Variants in DPYD observed in about 807,000 individuals in gnomAD.
DPYD encodes the protein dihydropyrimidine dehydrogenase [NADP(+)].
In DPYD, 109 loss-of-function variants were observed where a neutral mutation model predicts 116.2. That is an observed-to-expected ratio of 0.94 (90% CI 0.80 to 1.10). The LOEUF (loss-of-function observed/expected upper bound fraction) is 1.10, where lower values mean the gene tolerates loss of function less well. DPYD is among the 50% of genes least tolerant of loss of function. The probability of loss-of-function intolerance (pLI) is 0.00; values close to 1 mark genes in which losing one functional copy is unlikely to be tolerated. For missense variants in DPYD, 1,302 were observed against 1,254.5 expected (o/e 1.04, Z -0.57); for synonymous variants, 440 against 432.0 (o/e 1.02, Z -0.23).
At chr1:97,137,124 C>T (rs1222621961) in intron 20 of DPYD, among the ~76,000 whole-genome samples, 4 of 152,120 alleles carry the variant, frequency 2.6e-5, no homozygotes, top group African/African-American at 9.7e-5. Flanking sequence ...GGTACTGTGC[C>T]GTGCTTGTGT....
intron 3 of DPYD, among the ~76,000 whole-genome samples, chr1:97,770,638 G>C (rs1042234336): frequency 1.3e-5 from 2 of 152,024 alleles, no homozygotes; most frequent in Non-Finnish European, 2.9e-5. Flanking sequence ...AGTGTTTTTT[G>C]ATATAGATTC....
intron 6 of DPYD, among the ~76,000 whole-genome samples, chr1:97,697,419 G>A (rs1012250580): frequency 6.6e-6 from 1 of 152,034 alleles, no homozygotes; most frequent in Non-Finnish European, 1.5e-5. Context: ...CAAGATACAA[G>A]AGAATGAGAG....
chr1:97,778,355 GT>G (rs932304402), intron 3 of DPYD, among the ~76,000 whole-genome samples: 13 of 151,806 alleles, frequency 8.6e-5, no homozygotes, highest in Non-Finnish European at 1.5e-5. Context: ...ACAGTCTTGT[GT>G]GGTAAACATT....
chr1:97,610,570 T>C (rs1481886011), intron 8 of DPYD, among the ~76,000 whole-genome samples: 2 of 152,054 alleles, frequency 1.3e-5, no homozygotes, highest in African/African-American at 4.8e-5. Flanking sequence ...CCAGGTCCTC[T>C]ATTGACAGAA....
intron 20 of DPYD, among the ~76,000 whole-genome samples, chr1:97,131,638 T>C (rs1007729737): frequency 6.6e-5 from 10 of 152,244 alleles, no homozygotes; most frequent in Non-Finnish European, 1.3e-4. Context: ...TTATAGGATC[T>C]GAAGAAACCT....
intron 8 of DPYD, among the ~76,000 whole-genome samples, chr1:97,650,803 T>A (rs1012209033): frequency 1.2e-4 from 18 of 152,022 alleles, no homozygotes; most frequent in Admixed American, 9.2e-4. Flanking sequence ...TTGAAAAAAA[T>A]TTAAATCTTA....
Position 97,082,385 on chromosome 1 carries a change from T to C in DPYD, c.2852A>G (p.Glu951Gly). 6.2e-7 allele frequency: 1 copy of C among 1,613,680 alleles called. No homozygotes were observed. The highest frequency in any genetic ancestry group is 1.3e-5 in the African/African-American group (1 of 75,038). ...VEQVVAMIDE[E>G]MCINCGKCYM... is the part of the protein sequence containing the mutation. ...GCATTTACCACAGTTGATACACATT[T>C]CTTCATCAATCATAGCCACAACTTG... The change falls in exon 22 of 23, where the codon GAA becomes GGA. Residue 951 changes from glutamate to glycine, a missense_variant. Glu to Gly is a moderately conservative substitution (Grantham distance 98, BLOSUM62 -2). Coordinates refer to ENST00000370192, the MANE Select transcript of DPYD (RefSeq NM_000110.4).
At chr1:97,330,235 AAAAATTG>A (rs1668918199) in intron 16 of DPYD, among the ~76,000 whole-genome samples, 2 of 152,180 alleles carry the variant, frequency 1.3e-5, no homozygotes, top group Admixed American at 1.3e-4. Flanking sequence ...AGCAGCCCTA[AAAAATTG>A]AAAATTGAAA....
intron 19 of DPYD, among the ~76,000 whole-genome samples, chr1:97,202,104 T>C (rs1659249085): frequency 6.6e-6 from 1 of 152,000 alleles, no homozygotes; most frequent in Admixed American, 6.6e-5. Context: ...CCACAGCAAA[T>C]AGGATTGGGA....
chr1:97,387,770 G>A (rs758619853), intron 14 of DPYD, among the ~76,000 whole-genome samples: 4 of 152,022 alleles, frequency 2.6e-5, no homozygotes, highest in African/African-American at 9.7e-5. Context: ...GTATGTTCAA[G>A]GGGAAAAAAG....
chr1:97,112,780 C>T (rs893205269), intron 20 of DPYD, among the ~76,000 whole-genome samples: 4 of 152,034 alleles, frequency 2.6e-5, no homozygotes, highest in Admixed American at 2.0e-4. Context: ...ACTTTGTCTC[C>T]AGTTTGTTGG....
rs2102182411 is a variant in DPYD, at chr1:97,573,783, C to T, written c.1316G>A (p.Gly439Asp). 6.2e-7 allele frequency: 1 copy of T among 1,613,598 alleles called. No homozygotes were observed. The highest frequency in any genetic ancestry group is 8.5e-7 in the Non-Finnish European group (1 of 1,179,586). ...LKADVVISAFGSVLSDPKVKE... is the reference protein window; with the variant it reads ...LKADVVISAFDSVLSDPKVKE... ...ACCTTTAGGATCACTCAGAACTGAACCAAAGGCACTGATGACCACATCGGC... is the reference window on the plus strand; with the variant it reads ...ACCTTTAGGATCACTCAGAACTGAATCAAAGGCACTGATGACCACATCGGC... The change falls in exon 11 of 23, where the codon GGT (glycine) becomes GAT (aspartate). Residue 439 changes from glycine to aspartate, a missense_variant. Transcript: ENST00000370192.
At position 97,205,185 on chromosome 1, in the gene DPYD, TAA is replaced by T. The variant is rs899815495; in HGVS notation, c.2443-11939_2443-11938del. On this transcript the variant is annotated intron_variant, in intron 19 of 22. Coordinates refer to ENST00000370192, the MANE Select transcript of DPYD (RefSeq NM_000110.4). The stretch of plus-strand genomic sequence containing the variant: ...TATTATTAAAATTCATAGTTTATAT[TAA>T]GATTCACTCTTTGCATTGTACCTTT... Among the ~76,000 whole-genome samples, 119 of 152,228 alleles carry T rather than the reference TAA, an allele frequency of 7.8e-4. 2 individuals carry two copies. The highest frequency in any genetic ancestry group is 2.8e-3 in the African/African-American group (117 of 41,554).
At chr1:97,750,513 C>T (rs1443374364) in intron 3 of DPYD, among the ~76,000 whole-genome samples, 2 of 152,080 alleles carry the variant, frequency 1.3e-5, no homozygotes, top group East Asian at 3.9e-4. Context: ...GTAAGTATAA[C>T]TTACGTTATT....
intron 8 of DPYD, among the ~76,000 whole-genome samples, chr1:97,647,068 T>G (rs1457832296): frequency 6.6e-6 from 1 of 152,102 alleles, no homozygotes; most frequent in East Asian, 1.9e-4. Flanking sequence ...CACCTGTAGT[T>G]ATTGCCTGAT....
At chr1:97,234,020 A>C (rs917193324) in intron 19 of DPYD, among the ~76,000 whole-genome samples, 2 of 152,192 alleles carry the variant, frequency 1.3e-5, no homozygotes, top group African/African-American at 4.8e-5. Flanking sequence ...CCCTTTTGCC[A>C]GAGAATATGT....
intron 16 of DPYD, among the ~76,000 whole-genome samples, chr1:97,315,404 C>G (rs1208841389): frequency 2.0e-5 from 3 of 151,508 alleles, no homozygotes; most frequent in African/African-American, 7.3e-5. Flanking sequence ...CCCTACTGGG[C>G]TAGCAAAGAC....
intron 18 of DPYD, chr1:97,295,780 T>A (rs922532886): frequency 1.0e-6 from 1 of 983,612 alleles, no homozygotes. Context: ...CATAGTTAAG[T>A]TTATATTAAA....
At chr1:97,230,052 A>G (rs1238206382) in intron 19 of DPYD, among the ~76,000 whole-genome samples, 1 of 152,246 alleles carries the variant, frequency 6.6e-6, no homozygotes, top group East Asian at 1.9e-4. Flanking sequence ...CAGTCAATAC[A>G]TGGGGTAACC....
Sources: gnomAD v4.1 joint callset for allele counts (sites outside exome capture counted in the v4.1 genomes callset) on GRCh38, gnomAD v4.1.1 for gene constraint, MANE v1.5 for transcripts, NCBI Gene and HGNC (gene_info 2026-07-23, HGNC 2026-07-21) for gene names.